SHROOM4: variants seen among roughly 807,000 people sequenced by gnomAD.
SHROOM4 encodes the protein protein Shroom4.
In SHROOM4, 17 loss-of-function variants were observed where a neutral mutation model predicts 80.3. The observed-to-expected ratio is 0.21, with a 90% CI of 0.14 to 0.32. The LOEUF is 0.32. Among genes scored for constraint, SHROOM4 ranks in the 10% least tolerant of loss-of-function variants. The pLI is 1.00. For missense variants in SHROOM4, 993 were observed against 1,140.3 expected, an observed-to-expected ratio of 0.87 and a Z score of 1.86; for synonymous variants, 400 against 437.5, an observed-to-expected ratio of 0.91 and a Z score of 1.07.
intron 1 of SHROOM4, among the ~76,000 whole-genome samples, chrX:50,711,674 C>A (rs1405330481): frequency 8.9e-6 from 1 of 111,870 alleles, no homozygotes; most frequent in Non-Finnish European, 1.9e-5. Flanking sequence ...AAAATCAATA[C>A]ATGAATAGAT....
intron 1 of SHROOM4, among the ~76,000 whole-genome samples, chrX:50,719,713 C>A (rs1934057365): frequency 8.9e-6 from 1 of 112,272 alleles, no homozygotes; most frequent in Non-Finnish European, 1.9e-5. Flanking sequence ...TGGCATCAGA[C>A]TGCCTGCAAT....
At chrX:50,783,715 ACAGG>A (rs1377362995) in intron 1 of SHROOM4, among the ~76,000 whole-genome samples, 7 of 111,079 alleles carry the variant, frequency 6.3e-5, no homozygotes, top group Admixed American at 5.7e-4. Flanking sequence ...AGCTGGGACT[ACAGG>A]CATGTACCAC....
chrX:50,683,129 T>C (rs1932978132), intron 2 of SHROOM4, among the ~76,000 whole-genome samples: 1 of 111,606 alleles, frequency 9.0e-6, no homozygotes, highest in Non-Finnish European at 1.9e-5. Context: ...TTGTGAGACC[T>C]TGTGATCATG....
chrX:50,808,181 C>A (rs1557273165), intron 1 of SHROOM4, among the ~76,000 whole-genome samples: 1 of 111,880 alleles, frequency 8.9e-6, no homozygotes. Context: ...AGGGCTGTCC[C>A]AAGACAGAGG....
chrX:50,767,396 G>T (rs923113140), intron 1 of SHROOM4, among the ~76,000 whole-genome samples: 5 of 111,179 alleles, frequency 4.5e-5, no homozygotes, highest in Admixed American at 9.6e-5. Flanking sequence ...TCCATCCTGG[G>T]TGTCTGTTAC....
rs1557246705 is a variant in SHROOM4, at chrX:50,596,631, AAAG to A, written c.*61_*63del. ...ATCTACTTGCTGAGAAACTGCTAAC[AAAG>A]AAGATTGAAAGCACTTCCCACATGG... is the stretch of plus-strand genomic sequence containing the variant. On this transcript the variant is annotated 3_prime_UTR_variant, in exon 9 of 9. Transcript: ENST00000376020. 3 of 1,188,829 alleles carry A rather than the reference AAAG, an allele frequency of 2.5e-6. No homozygotes were observed. Among genetic ancestry groups the A allele is most frequent in the Non-Finnish European group, 3.4e-6 (3 of 883,701 alleles).
chrX:50,647,888 C>T (rs1043555565), intron 2 of SHROOM4, among the ~76,000 whole-genome samples: 3 of 111,999 alleles, frequency 2.7e-5, no homozygotes, highest in Non-Finnish European at 5.6e-5. Context: ...GAGCCAAGAC[C>T]CAGCAGAGCT....
intron 1 of SHROOM4, among the ~76,000 whole-genome samples, chrX:50,811,733 T>TA (rs1936336040): frequency 8.9e-6 from 1 of 111,795 alleles, no homozygotes; most frequent in South Asian, 3.8e-4. Context: ...CCAACCCAGT[T>TA]ATAACTGACT....
At position 50,634,104 on chromosome X, in the gene SHROOM4, T is replaced by A. The variant is rs1931211228; in HGVS notation, c.1969A>T (p.Ser657Cys). ...PSPRDKLFNKSMMLRARSSEC... is the reference protein window; with the variant it reads ...PSPRDKLFNKCMMLRARSSEC... ...GAAGACCTAGCTCTGAGCATCATGC[T>A]TTTGTTGAAGAGCTTGTCTCTGGGG... is the stretch of plus-strand genomic sequence containing the variant. Residue 657 changes from serine to cysteine, a missense_variant, in exon 4 of 9, where the codon AGC becomes TGC. Ser to Cys is a moderately radical substitution (Grantham distance 112). Transcript: ENST00000376020. 1.4e-5 allele frequency: 17 copies of A among 1,209,840 alleles called. No homozygotes were observed. The highest frequency in any genetic ancestry group is 1.8e-5 in the Non-Finnish European group (16 of 895,174).
intron 1 of SHROOM4, among the ~76,000 whole-genome samples, chrX:50,793,503 CT>C (rs782441345): frequency 2.1e-4 from 22 of 107,187 alleles, no homozygotes; most frequent in African/African-American, 6.8e-4. Flanking sequence ...TATGAATATA[CT>C]TTCTGACATC....
At chrX:50,777,059 T>TC (rs1447674407) in intron 1 of SHROOM4, among the ~76,000 whole-genome samples, 1 of 111,401 alleles carries the variant, frequency 9.0e-6, no homozygotes, top group Non-Finnish European at 1.9e-5. Flanking sequence ...CACAGCTCTT[T>TC]CCCCAAAGAG....
intron 1 of SHROOM4, among the ~76,000 whole-genome samples, chrX:50,794,994 G>T: frequency 1.2e-5 from 1 of 85,478 alleles, no homozygotes; most frequent in African/African-American, 4.5e-5. Context: ...ATATATGTTG[G>T]ATAACAACAT....
At chrX:50,679,367 A>G (rs1002528229) in intron 2 of SHROOM4, among the ~76,000 whole-genome samples, 9 of 111,691 alleles carry the variant, frequency 8.1e-5, no homozygotes, top group Non-Finnish European at 1.7e-4. Flanking sequence ...GATCTTCCCA[A>G]GGACCTTGCT....
At chrX:50,718,877 T>C (rs1235071521) in intron 1 of SHROOM4, among the ~76,000 whole-genome samples, 20 of 111,709 alleles carry the variant, frequency 1.8e-4, no homozygotes, top group Non-Finnish European at 3.2e-4. Context: ...CCTAGCCCAA[T>C]GCAAACTTAC....
At chrX:50,799,247 T>C (rs1936072102) in intron 1 of SHROOM4, among the ~76,000 whole-genome samples, 1 of 113,017 alleles carries the variant, frequency 8.8e-6, no homozygotes. Flanking sequence ...CTCAGTTTGT[T>C]TGTACTCCTT....
At chrX:50,650,097 G>T (rs1292016739) in intron 2 of SHROOM4, among the ~76,000 whole-genome samples, 6 of 111,844 alleles carry the variant, frequency 5.4e-5, no homozygotes, top group African/African-American at 1.9e-4. Context: ...CCTGAAAAAG[G>T]CTCACAATGT....
intron 1 of SHROOM4, among the ~76,000 whole-genome samples, chrX:50,717,630 G>C (rs781822038): frequency 9.0e-6 from 1 of 111,452 alleles, no homozygotes; most frequent in South Asian, 3.9e-4. Flanking sequence ...GCAGTGCTGG[G>C]ACAGAAGGGA....
intron 5 of SHROOM4, among the ~76,000 whole-genome samples, chrX:50,610,383 C>CACACACACAG (rs1557249606): frequency 3.6e-5 from 4 of 110,006 alleles, no homozygotes; most frequent in Middle Eastern, 4.8e-3. Context: ...CACACACACA[C>CACACACACAG]AGTGATGGAC....
rs1207632961 is a variant in SHROOM4 at position 50,589,020 on chromosome X, C to T, written c.*7675G>A. Reference sequence around the variant, plus strand: ...CCACAATATTTGCCTAGAAATATTGCCCCTCCTTCCCAATAGTAGTCCCTC... The same window carrying T: ...CCACAATATTTGCCTAGAAATATTGTCCCTCCTTCCCAATAGTAGTCCCTC... On this transcript the variant is annotated 3_prime_UTR_variant, in exon 9 of 9. Transcript: ENST00000376020. Among the ~76,000 whole-genome samples, 2 of 111,744 alleles carry T rather than the reference C, an allele frequency of 1.8e-5. No individual in the cohort carries two copies. The highest frequency in any genetic ancestry group is 1.9e-4 in the Admixed American group (2 of 10,531).
Sources: gnomAD v4.1 joint callset for allele counts (sites outside exome capture counted in the v4.1 genomes callset) on GRCh38, gnomAD v4.1.1 for gene constraint, MANE v1.5 for transcripts, NCBI Gene and HGNC (gene_info 2026-07-23, HGNC 2026-07-21) for gene names.